PACRG: variants seen among roughly 807,000 people sequenced by gnomAD.
PACRG encodes parkin coregulated gene protein.
PACRG carries 29 observed loss-of-function variants against 29.7 expected under a neutral mutation model. That is an observed-to-expected ratio of 0.98 (90% CI 0.73 to 1.33). The LOEUF is 1.33. Ranked by LOEUF, PACRG falls within the 40% of genes most tolerant of loss-of-function variation. The pLI is 0.00. For missense variants in PACRG, 279 were observed against 316.2 expected, an observed-to-expected ratio of 0.88 and a Z score of 0.89; for synonymous variants, 116 against 118.7, an observed-to-expected ratio of 0.98 and a Z score of 0.15.
chr6:163,092,168 C>A (rs1363457246), intron 4 of PACRG, among the ~76,000 whole-genome samples: 1 of 152,184 alleles, frequency 6.6e-6, no homozygotes, highest in African/African-American at 2.4e-5. Context: ...CTGTCAGCAT[C>A]CCCTCAAAGC....
chr6:162,967,223 T>A (rs1278350267), intron 2 of PACRG, among the ~76,000 whole-genome samples: 2 of 148,218 alleles, frequency 1.3e-5, no homozygotes, highest in African/African-American at 5.0e-5. Context: ...CTAGAATACA[T>A]CTGGAAGTGA....
At chr6:162,880,263 A>G (rs886157482) in intron 2 of PACRG, among the ~76,000 whole-genome samples, 1 of 152,184 alleles carries the variant, frequency 6.6e-6, no homozygotes, top group Non-Finnish European at 1.5e-5. Flanking sequence ...AACATCTGTC[A>G]CATAAAAGAC....
chr6:163,101,058 T>G lies in PACRG; in HGVS notation c.613+11650T>G, dbSNP rs1051768055. On this transcript the variant is annotated intron_variant, in intron 4 of 4. Coordinates refer to ENST00000366888, the MANE Select transcript of PACRG (RefSeq NM_001080379.2). ...TGAGCTTTAGTGAGCATATTTATAT[T>G]CATTTTGAGGCGGTCATACAATGAA... is the stretch of plus-strand genomic sequence containing the variant. The G allele has an allele frequency of 5.1e-6, 5 of 982,558 alleles. No individual in the cohort carries two copies. In the African/African-American group the frequency reaches 5.3e-5, roughly 10 times the overall value. The allele number at this position is 982,558 out of a possible 1,614,324, so 60.9% of individuals were successfully genotyped here. A position where few individuals can be genotyped will look rare whatever the true frequency, so the allele number is the denominator to read the frequency against.
At chr6:163,291,891 T>A (rs1784622753) in intron 4 of PACRG, among the ~76,000 whole-genome samples, 1 of 151,960 alleles carries the variant, frequency 6.6e-6, no homozygotes. Flanking sequence ...ATCCTGATGT[T>A]GCTGTGAGGG....
chr6:162,763,804 T>A (rs1261140111), intron 1 of PACRG, among the ~76,000 whole-genome samples: 1 of 152,220 alleles, frequency 6.6e-6, no homozygotes, highest in African/African-American at 2.4e-5. Flanking sequence ...CATTTATAAT[T>A]AACCTTCAGT....
At chr6:163,178,774 C>T (rs742955) in intron 4 of PACRG, among the ~76,000 whole-genome samples, 65,367 of 151,966 alleles carry the variant, frequency 0.43, 14,418 homozygotes, top group Middle Eastern at 0.52. Flanking sequence ...GTTTCTCAAA[C>T]TTCCCCACAC....
chr6:163,160,767 A>G (rs1290259783), intron 4 of PACRG, among the ~76,000 whole-genome samples: 1 of 152,194 alleles, frequency 6.6e-6, no homozygotes, highest in African/African-American at 2.4e-5. Context: ...GCTGAGAAGA[A>G]TAATATGTAG....
At chr6:163,256,499 G>A (rs1029041629) in intron 4 of PACRG, among the ~76,000 whole-genome samples, 2 of 152,188 alleles carry the variant, frequency 1.3e-5, no homozygotes, top group Non-Finnish European at 2.9e-5. Flanking sequence ...CCAGCCAGGT[G>A]GTGAGGTGCA....
At chr6:162,788,852 T>G (rs1240395341) in intron 1 of PACRG, among the ~76,000 whole-genome samples, 1 of 152,220 alleles carries the variant, frequency 6.6e-6, no homozygotes, top group African/African-American at 2.4e-5. Flanking sequence ...AATAAGGTTG[T>G]TCATTTTCTT....
At position 163,143,193 on chromosome 6, in the gene PACRG, T is replaced by C. The variant is rs139586140; in HGVS notation, c.613+53785T>C. Among the ~76,000 whole-genome samples the C allele has an allele frequency of 2.6e-5, 4 of 152,272 alleles. No homozygotes were observed. In the East Asian group the frequency reaches 7.7e-4, roughly 29 times the overall value. ...CTATCTTTGCAACTCTTAGTGTTAG[T>C]AAATCTAATACTATTCCATAATAAA... On this transcript the variant is annotated intron_variant, in intron 4 of 4. Transcript: ENST00000366888.
At chr6:163,168,214 T>A (rs1778908968) in intron 4 of PACRG, among the ~76,000 whole-genome samples, 1 of 152,228 alleles carries the variant, frequency 6.6e-6, no homozygotes, top group Non-Finnish European at 1.5e-5. Flanking sequence ...TGGTGGCTCA[T>A]GCCTGTAATC....
intron 4 of PACRG, among the ~76,000 whole-genome samples, chr6:163,314,048 T>C (rs1785546568): frequency 6.6e-6 from 1 of 152,158 alleles, no homozygotes; most frequent in Non-Finnish European, 1.5e-5. Context: ...GGAGAGGCTC[T>C]TAGCCATAGG....
chr6:162,966,731 C>G (rs964584940), intron 2 of PACRG, among the ~76,000 whole-genome samples: 1 of 152,182 alleles, frequency 6.6e-6, no homozygotes, highest in Non-Finnish European at 1.5e-5. Flanking sequence ...CCACCTCCCC[C>G]TCCCAAAGTG....
At chr6:162,935,277 C>A (rs1798150331) in intron 2 of PACRG, among the ~76,000 whole-genome samples, 1 of 151,984 alleles carries the variant, frequency 6.6e-6, no homozygotes, top group Non-Finnish European at 1.5e-5. Context: ...AATAAATTAT[C>A]TAGGACTTTT....
intron 4 of PACRG, among the ~76,000 whole-genome samples, chr6:163,149,509 A>C (rs1009437699): frequency 2.0e-5 from 3 of 152,010 alleles, no homozygotes; most frequent in Non-Finnish European, 4.4e-5. Context: ...GGGCTTTTCT[A>C]TCCACCGCGA....
At chr6:162,773,818 C>A (rs1353992948) in intron 1 of PACRG, among the ~76,000 whole-genome samples, 1 of 152,044 alleles carries the variant, frequency 6.6e-6, no homozygotes, top group Non-Finnish European at 1.5e-5. Context: ...TATTTTAGGT[C>A]TTTACAGGAA....
intron 2 of PACRG, among the ~76,000 whole-genome samples, chr6:163,020,976 G>C (rs923688156): frequency 1.3e-5 from 2 of 151,998 alleles, no homozygotes; most frequent in African/African-American, 4.8e-5. Context: ...ATGGCTTCAT[G>C]ACACGATCTC....
chr6:162,924,787 T>C (rs969291320), intron 2 of PACRG, among the ~76,000 whole-genome samples: 2 of 151,996 alleles, frequency 1.3e-5, no homozygotes, highest in African/African-American at 2.4e-5. Context: ...ATCCAAAAGC[T>C]AGCAGAAGAC....
intron 2 of PACRG, among the ~76,000 whole-genome samples, chr6:162,900,715 G>A (rs568612592): frequency 1.3e-5 from 2 of 152,214 alleles, no homozygotes; most frequent in East Asian, 1.9e-4. Context: ...CGTGCCAAGC[G>A]CTCTGCTGCC....
Sources: allele counts gnomAD v4.1 joint callset (sites outside exome capture counted in the v4.1 genomes callset), GRCh38; gene constraint gnomAD v4.1.1; transcripts MANE v1.5; gene names NCBI Gene and HGNC (gene_info 2026-07-23, HGNC 2026-07-21).